Variants in LAMC1 observed in about 807,000 individuals in gnomAD.
LAMC1 encodes laminin subunit gamma-1.
Under a neutral mutation model 173.6 loss-of-function variants are expected in LAMC1, and 38 were observed. The observed-to-expected ratio is 0.22, with a 90% CI of 0.17 to 0.29. LAMC1 has a LOEUF of 0.29. Ranked by LOEUF, LAMC1 falls within the 10% of genes least tolerant of loss-of-function variation. The pLI is 1.00. For missense variants in LAMC1, 1,824 were observed against 2,051.8 expected (o/e 0.89, Z 2.14); for synonymous variants, 746 against 749.1 (o/e 1.00, Z 0.07).
In LAMC1 at chr1:183,023,725, G is replaced by A; in HGVS notation, c.9G>A (p.Gly3=). 8.4e-7 allele frequency: 1 copy of A among 1,185,098 alleles called. No homozygotes were observed. Among genetic ancestry groups the A allele is most frequent in the Non-Finnish European group, 1.1e-6 (1 of 951,494 alleles). 73.4% of individuals were successfully genotyped at this position (1,185,098 alleles called of 1,614,324 possible). The change falls in exon 1 of 28, where the codon GGG becomes GGA. Residue 3 remains glycine, a synonymous_variant. Transcript: ENST00000258341. MR[G]SHRAAPALRP... ...AGCGTGCGGGCGGCGGGATGAGAGG[G>A]AGCCATCGGGCCGCGCCGGCCCTGC...
At chr1:183,027,107 C>T (rs4642853) in intron 1 of LAMC1, among the ~76,000 whole-genome samples, 75,797 of 152,028 alleles carry the variant, frequency 0.5, 19,610 homozygotes, top group South Asian at 0.64. Flanking sequence ...CCTGTATCAT[C>T]ACTTGCTGTA....
chr1:183,108,438 G>A, intron 3 of LAMC1, 32 bp downstream of exon 3: 1 of 1,596,882 alleles, frequency 6.3e-7, no homozygotes, highest in Non-Finnish European at 8.6e-7. Context: ...TCTTGAAAGT[G>A]TTTGGAGCTT....
intron 1 of LAMC1, among the ~76,000 whole-genome samples, chr1:183,095,373 A>G (rs1655667889): frequency 6.6e-6 from 1 of 152,200 alleles, no homozygotes; most frequent in Non-Finnish European, 1.5e-5. Context: ...GTTATAGATA[A>G]AAGCCAAACT....
At chr1:183,071,631 T>G (rs371413559) in intron 1 of LAMC1, among the ~76,000 whole-genome samples, 2 of 152,228 alleles carry the variant, frequency 1.3e-5, no homozygotes, top group African/African-American at 4.8e-5. Context: ...AAGGAGGTGA[T>G]GTTCTGCCTT....
intron 1 of LAMC1, among the ~76,000 whole-genome samples, chr1:183,042,200 GT>G (rs1375819399): frequency 2.0e-5 from 3 of 152,186 alleles, no homozygotes; most frequent in Non-Finnish European, 2.9e-5. Context: ...ACTCATGAGT[GT>G]TTCCTGGAAA....
At chr1:183,112,960 A>G (rs1290723926) in intron 4 of LAMC1, among the ~76,000 whole-genome samples, 1 of 151,890 alleles carries the variant, frequency 6.6e-6, no homozygotes, top group East Asian at 1.9e-4. Context: ...AAGGTGGGAG[A>G]CTCATTTGGG....
At chr1:183,111,228 A>T (rs1288931479) in intron 4 of LAMC1, among the ~76,000 whole-genome samples, 1 of 151,830 alleles carries the variant, frequency 6.6e-6, no homozygotes, top group East Asian at 1.9e-4. Flanking sequence ...CTGGGATTAC[A>T]GGTGCATGCC....
chr1:183,127,612 G>A (rs1037721964), intron 17 of LAMC1, among the ~76,000 whole-genome samples: 1 of 152,156 alleles, frequency 6.6e-6, no homozygotes, highest in African/African-American at 2.4e-5. Context: ...AATACAAATG[G>A]AGAATAACTG....
chr1:183,125,423 A>G lies in LAMC1; in HGVS notation c.2674A>G (p.Met892Val), dbSNP rs780360037. 6 of 1,614,144 alleles carry G rather than the reference A, an allele frequency of 3.7e-6. No individual in the cohort carries two copies. Among genetic ancestry groups the G allele is most frequent in the Non-Finnish European group, 5.1e-6 (6 of 1,179,980 alleles). The change falls in exon 15 of 28, where the codon ATG becomes GTG. Residue 892 changes from methionine (M) to valine (V), a missense_variant. Coordinates refer to ENST00000258341, the MANE Select transcript of LAMC1 (RefSeq NM_002293.4). ...KACNCNLYGT[M>V]KQQSSCNPVT... Reference sequence around the variant, plus strand: ...CTGCAATTGCAATCTGTATGGGACCATGAAGCAGCAGAGCAGCTGTAACCC... The same window carrying G: ...CTGCAATTGCAATCTGTATGGGACCGTGAAGCAGCAGAGCAGCTGTAACCC...
At chr1:183,131,799 A>C (rs1174073938) in intron 20 of LAMC1, among the ~76,000 whole-genome samples, 1 of 152,166 alleles carries the variant, frequency 6.6e-6, no homozygotes, top group Non-Finnish European at 1.5e-5. Context: ...ATTACTCTCA[A>C]ATAATTAAAT....
At chr1:183,073,508 A>AG (rs1353478853) in intron 1 of LAMC1, among the ~76,000 whole-genome samples, 7 of 152,202 alleles carry the variant, frequency 4.6e-5, no homozygotes, top group African/African-American at 1.7e-4. Context: ...ATCTGTGTAA[A>AG]GGGAAAACAG....
chr1:183,043,677 G>A (rs1015726056), intron 1 of LAMC1, among the ~76,000 whole-genome samples: 2 of 152,126 alleles, frequency 1.3e-5, no homozygotes, highest in African/African-American at 4.8e-5. Context: ...AAATAGGGTT[G>A]AATTCTGATA....
intron 1 of LAMC1, chr1:183,096,580 G>A (rs889743806): frequency 1.3e-5 from 2 of 152,158 alleles, no homozygotes; most frequent in African/African-American, 2.4e-5. Flanking sequence ...GACTGTTGAA[G>A]CCCTTTGTTC....
At chr1:183,125,654 A>C (rs1319837102) in intron 15 of LAMC1, 104 bp downstream of exon 15, 1 of 876,902 alleles carries the variant, frequency 1.1e-6, no homozygotes, top group Non-Finnish European at 1.7e-6. Context: ...AAATTACTGG[A>C]GCGCCTAATG....
At chr1:183,121,207 T>C (rs576187629) in intron 11 of LAMC1, among the ~76,000 whole-genome samples, 1 of 151,234 alleles carries the variant, frequency 6.6e-6, no homozygotes, top group East Asian at 1.9e-4. Context: ...TCACCTAAGG[T>C]CAGGAGTTCG....
rs1239292165 is a variant in LAMC1 at position 183,131,367 on chromosome 1, G to A, written c.3555G>A (p.Lys1185=). The A allele has an allele frequency of 6.2e-7, 1 of 1,612,988 alleles. No individual in the cohort carries two copies. The highest frequency in any genetic ancestry group is 2.2e-5 in the East Asian group (1 of 44,828). The change falls in exon 20 of 28, where the codon AAG becomes AAA. Residue 1185 remains lysine (K), a synonymous_variant. Transcript: ENST00000258341. ...NMTLLAEEAR[K]LAERHKQEAD... Reference sequence around the variant, plus strand: ...CTCTTTTGGCAGAAGAGGCTCGAAAGCTTGCTGAACGGTAACTTCTAGATC... The same window carrying A: ...CTCTTTTGGCAGAAGAGGCTCGAAAACTTGCTGAACGGTAACTTCTAGATC...
At chr1:183,068,084 G>GAGGCTT (rs753444129) in intron 1 of LAMC1, among the ~76,000 whole-genome samples, 40 of 152,300 alleles carry the variant, frequency 2.6e-4, no homozygotes, top group Middle Eastern at 3.4e-3. Context: ...GTGACCTACT[G>GAGGCTT]AGGCTTAGGG....
intron 1 of LAMC1, among the ~76,000 whole-genome samples, chr1:183,038,646 C>T (rs1654045709): frequency 6.6e-6 from 1 of 152,126 alleles, no homozygotes; most frequent in South Asian, 2.1e-4. Context: ...TTTGAGTTTT[C>T]ACTGGCAGGG....
Position 183,128,694 on chromosome 1 carries a change from T to G in LAMC1, c.3224T>G (p.Leu1075Arg). ...ACAGATCAAGCCTTCGAGGATAGAC[T>G]AAAGGAAGCAGAGAGGGAAGTTATG... is the stretch of plus-strand genomic sequence containing the variant. ...MVTDQAFEDRLKEAEREVMDL... is the reference protein window; with the variant it reads ...MVTDQAFEDRRKEAEREVMDL... The change falls in exon 18 of 28, where the codon CTA becomes CGA. Residue 1075 changes from leucine to arginine, a missense_variant. Transcript: ENST00000258341. The G allele has an allele frequency of 6.2e-7, 1 of 1,613,570 alleles. No homozygotes were observed. The highest frequency in any genetic ancestry group is 1.1e-5 in the South Asian group (1 of 91,018).
Sources: allele counts gnomAD v4.1 joint callset (sites outside exome capture counted in the v4.1 genomes callset), GRCh38; gene constraint gnomAD v4.1.1; transcripts MANE v1.5; gene names NCBI Gene and HGNC (gene_info 2026-07-23, HGNC 2026-07-21).